Variants in KCNC1 observed in about 807,000 individuals in gnomAD.
The protein encoded by KCNC1 is voltage-gated potassium channel KCNC1.
In KCNC1, 8 loss-of-function variants were observed where a neutral mutation model predicts 43.4. The observed-to-expected ratio is 0.18, with a 90% CI of 0.11 to 0.33. KCNC1 has a LOEUF of 0.33. KCNC1 is among the 10% of genes least tolerant of loss of function. KCNC1 has a pLI of 1.00. For missense variants in KCNC1, 420 were observed against 836.0 expected, an observed-to-expected ratio of 0.50 and a Z score of 6.14; for synonymous variants, 361 against 360.5, an observed-to-expected ratio of 1.00 and a Z score of -0.01.
At chr11:17,746,324 ACTT>A (rs1488532292) in intron 1 of KCNC1, among the ~76,000 whole-genome samples, 1 of 151,994 alleles carries the variant, frequency 6.6e-6, no homozygotes, top group Non-Finnish European at 1.5e-5. Flanking sequence ...GTCTTTTCGA[ACTT>A]CTTCTCTGCG....
At chr11:17,768,038 C>T (rs1422129090) in intron 1 of KCNC1, among the ~76,000 whole-genome samples, 1 of 152,162 alleles carries the variant, frequency 6.6e-6, no homozygotes, top group Non-Finnish European at 1.5e-5. Context: ...AGTTACCAGG[C>T]TCCTGGGACA....
rs1849297720 is a variant in KCNC1 at position 17,777,269 on chromosome 11, C to T, written c.1505-2187C>T. ...AGAAGGCACCCCCCTCTGACCCACC[C>T]CTCCCCAGGCAAGAACTGCAGGCTG... On this transcript the variant is annotated intron_variant, in intron 2 of 3. Coordinates refer to ENST00000265969, the MANE Select transcript of KCNC1 (RefSeq NM_001112741.2). This position sits in a 1 kb window ranked among gnomAD's most constrained non-coding sequence, Gnocchi z 4.3. 1 of 985,886 alleles carries T rather than the reference C, an allele frequency of 1.0e-6. No homozygotes were observed. The highest frequency in any genetic ancestry group is 1.2e-6 in the Non-Finnish European group (1 of 830,032). 61.1% of individuals were successfully genotyped at this position (985,886 alleles called of 1,614,324 possible).
chr11:17,775,296 C>G (rs1214181839), intron 2 of KCNC1: 4 of 977,806 alleles, frequency 4.1e-6, no homozygotes, highest in East Asian at 1.1e-4. Flanking sequence ...CCCGCCCCCC[C>G]AGGCCAGCCC....
rs2133812283 is a variant in KCNC1 at position 17,782,831 on chromosome 11, AACAG to A, written c.*1099_*1102del. 6.6e-6 allele frequency: 1 copy of A among 152,028 alleles called. No homozygotes were observed. The highest frequency in any genetic ancestry group is 6.5e-5 in the Admixed American group (1 of 15,292). The allele number at this position is 152,028 out of a possible 1,614,324, so 9.4% of individuals were successfully genotyped here. On this transcript the variant is annotated 3_prime_UTR_variant, in exon 4 of 4. Coordinates refer to ENST00000265969, the MANE Select transcript of KCNC1 (RefSeq NM_001112741.2). The stretch of plus-strand genomic sequence containing the variant: ...ATAAATATAGTATTTTCCCAACAGA[AACAG>A]AGGACAGTAGCTTGGCTTTGGTCTG...
intron 1 of KCNC1, among the ~76,000 whole-genome samples, chr11:17,748,995 T>C (rs1643711289): frequency 6.6e-6 from 1 of 152,248 alleles, no homozygotes; most frequent in Admixed American, 6.5e-5. Flanking sequence ...GGAGAGATCA[T>C]GTGAGCTCTT....
chr11:17,774,872 C>T (rs956611286), intron 2 of KCNC1: 50 of 985,326 alleles, frequency 5.1e-5, no homozygotes, highest in African/African-American at 1.9e-4. Flanking sequence ...TCCTGACCCC[C>T]GAGGCTCCAG....
At chr11:17,768,662 A>AGGAGG (rs1849185629) in intron 1 of KCNC1, among the ~76,000 whole-genome samples, 1 of 144,214 alleles carries the variant, frequency 6.9e-6, no homozygotes, top group Non-Finnish European at 1.5e-5. Context: ...TGGGGCAGTG[A>AGGAGG]GGAGGGGAGG....
At chr11:17,759,847 G>T (rs950647691) in intron 1 of KCNC1, among the ~76,000 whole-genome samples, 1 of 152,120 alleles carries the variant, frequency 6.6e-6, no homozygotes, top group Non-Finnish European at 1.5e-5. Flanking sequence ...AATATTGCTA[G>T]AATAACCAAA....
In KCNC1 at chr11:17,742,338, G is replaced by A. The variant is rs1848853298; in HGVS notation, c.570+5766G>A. Among the ~76,000 whole-genome samples the A allele has an allele frequency of 6.6e-6, 1 of 152,190 alleles. No homozygotes were observed. The highest frequency in any genetic ancestry group is 1.5e-5 in the Non-Finnish European group (1 of 68,034). On this transcript the variant is annotated intron_variant, in intron 1 of 3. Coordinates refer to ENST00000265969, the MANE Select transcript of KCNC1 (RefSeq NM_001112741.2). The surrounding 1 kb of genome is among the most constrained non-coding windows in gnomAD (Gnocchi z 4.2). ...TGGTGGTTGTCTCAGAGGTGGGGGA[G>A]GGGGTTCAGTGGGGGCTCATTCCAG...
rs1200242592 is a variant in KCNC1 at position 17,735,004 on chromosome 11, G to A, written c.-999G>A. ...CACCGCCTGCCCGAAGCGAGGAGCG[G>A]AGTGCGGGGCGCAGAGGCACCGGAG... On this transcript the variant is annotated 5_prime_UTR_variant, in exon 1 of 4. Transcript: ENST00000265969. This position sits in a 1 kb window ranked among gnomAD's most constrained non-coding sequence, Gnocchi z 6.7. 2.0e-5 allele frequency: 3 copies of A among 151,626 alleles called. No homozygotes were observed. The highest frequency in any genetic ancestry group is 2.9e-5 in the Non-Finnish European group (2 of 67,828). 9.4% of individuals were successfully genotyped at this position (151,626 alleles called of 1,614,324 possible).
At chr11:17,738,690 G>A (rs1848798592) in intron 1 of KCNC1, among the ~76,000 whole-genome samples, 1 of 152,204 alleles carries the variant, frequency 6.6e-6, no homozygotes, top group Non-Finnish European at 1.5e-5. Flanking sequence ...GCCAGCTAGT[G>A]TGGTTTGAGG....
At position 17,773,288 on chromosome 11, in the gene KCNC1, T is replaced by C; in HGVS notation, c.1504+690T>C. On this transcript the variant is annotated intron_variant, in intron 2 of 3. Coordinates refer to ENST00000265969, the MANE Select transcript of KCNC1 (RefSeq NM_001112741.2). The surrounding 1 kb of genome is among the most constrained non-coding windows in gnomAD (Gnocchi z 4.1). ...TCTACCACCACTCTAGAGTTTAGCC[T>C]TTATCTTTAGGAACCTGTTGAAGTG... is the stretch of plus-strand genomic sequence containing the variant. The C allele has an allele frequency of 1.0e-6, 1 of 985,414 alleles. No homozygotes were observed. Among genetic ancestry groups the C allele is most frequent in the Non-Finnish European group, 1.2e-6 (1 of 829,940 alleles). 61.0% of individuals were successfully genotyped at this position (985,414 alleles called of 1,614,324 possible).
At chr11:17,737,825 C>T (rs879321062) in intron 1 of KCNC1, among the ~76,000 whole-genome samples, 9 of 152,272 alleles carry the variant, frequency 5.9e-5, no homozygotes, top group Admixed American at 3.3e-4. Flanking sequence ...TCCCCTCCTG[C>T]GCACTGGAGC....
At chr11:17,775,281 T>TC in intron 2 of KCNC1, 6 of 935,822 alleles carry the variant, frequency 6.4e-6, no homozygotes, top group Non-Finnish European at 6.4e-6. Context: ...TCTGAGGGCA[T>TC]CCCTCCCGCC....
intron 2 of KCNC1, chr11:17,774,039 C>T: frequency 2.0e-6 from 2 of 985,516 alleles, no homozygotes; most frequent in Non-Finnish European, 2.4e-6. Flanking sequence ...TCTGGCTTTA[C>T]CCCACAGCTA....
At position 17,758,228 on chromosome 11, in the gene KCNC1, A is replaced by T. The variant is rs568571035; in HGVS notation, c.571-13437A>T. On this transcript the variant is annotated intron_variant, in intron 1 of 3. Transcript: ENST00000265969. ...GCTTATCCATAAGAAGCAACTCCTC[A>T]TCTGTTCAAGTTTGATCATGAGATT... 2.0e-5 allele frequency among the ~76,000 whole-genome samples: 3 copies of T among 152,332 alleles called. No individual in the cohort carries two copies. In the East Asian group the frequency reaches 5.8e-4, roughly 29 times the overall value.
intron 1 of KCNC1, among the ~76,000 whole-genome samples, chr11:17,759,031 C>T (rs764361472): frequency 6.6e-6 from 1 of 152,198 alleles, no homozygotes; most frequent in South Asian, 2.1e-4. Flanking sequence ...AATAGAAGGC[C>T]GTTTAATCTG....
At chr11:17,741,427 G>C (rs923099040) in intron 1 of KCNC1, among the ~76,000 whole-genome samples, 13 of 152,050 alleles carry the variant, frequency 8.5e-5, no homozygotes, top group African/African-American at 2.9e-4. Context: ...TATTACTACT[G>C]TTGGTTGTAT....
intron 1 of KCNC1, among the ~76,000 whole-genome samples, chr11:17,769,940 A>T (rs1202863548): frequency 6.6e-6 from 1 of 152,208 alleles, no homozygotes; most frequent in Non-Finnish European, 1.5e-5. Context: ...GATCATATCT[A>T]CAGGCTACTC....
Sources: gnomAD v4.1 joint callset for allele counts (sites outside exome capture counted in the v4.1 genomes callset) on GRCh38, gnomAD v4.1.1 for gene constraint, Gnocchi (gnomAD v3.1) non-coding constraint, MANE v1.5 for transcripts, NCBI Gene and HGNC (gene_info 2026-07-23, HGNC 2026-07-21) for gene names.